The following SNRPN variants were observed in gnomAD, a reference collection of about 807,000 sequenced individuals.
SNRPN encodes the protein small nuclear ribonucleoprotein polypeptide N.
SNRPN carries 7 observed loss-of-function variants against 25.2 expected under a neutral mutation model. That is an observed-to-expected ratio of 0.28 (90% CI 0.16 to 0.52). SNRPN has a LOEUF of 0.52. Among genes scored for constraint, SNRPN ranks in the 20% least tolerant of loss-of-function variants. The pLI, the probability that SNRPN is intolerant of heterozygous loss-of-function variation, is 0.96. For missense variants in SNRPN, 196 were observed against 322.5 expected, an observed-to-expected ratio of 0.61 and a Z score of 3.00; for synonymous variants, 124 against 110.6, an observed-to-expected ratio of 1.12 and a Z score of -0.76.
chr15:24,975,060 T>G (rs969577525), intron 4 of SNRPN: 8 of 686,094 alleles, frequency 1.2e-5, no homozygotes, highest in Non-Finnish European at 2.1e-5. Context: ...CCTACATCAT[T>G]GTGGTTTGGT....
intron 1 of SNRPN, among the ~76,000 whole-genome samples, chr15:24,884,302 T>A (rs2149904451): frequency 6.6e-6 from 1 of 152,232 alleles, no homozygotes; most frequent in South Asian, 2.1e-4. Context: ...CCACGGCACT[T>A]CAGCCTGGGT....
At chr15:24,914,137 A>G (rs2059385782) in intron 2 of SNRPN, among the ~76,000 whole-genome samples, 1 of 152,096 alleles carries the variant, frequency 6.6e-6, no homozygotes, top group Admixed American at 6.6e-5. Flanking sequence ...GCAACTCTAT[A>G]TCTTGCTTTT....
At chr15:24,898,069 C>T (rs576301538) in intron 2 of SNRPN, among the ~76,000 whole-genome samples, 1 of 152,020 alleles carries the variant, frequency 6.6e-6, no homozygotes, top group Non-Finnish European at 1.5e-5. Flanking sequence ...TATCTAAATT[C>T]CCTCTTATCA....
upstream of SNRPN, among the ~76,000 whole-genome samples, chr15:24,854,569 G>C (rs575143041): frequency 5.9e-5 from 9 of 152,182 alleles, no homozygotes; most frequent in Non-Finnish European, 1.3e-4. Flanking sequence ...TGAAGAAGTA[G>C]CAAAGTGACT....
chr15:24,920,286 G>A (rs1260429063), intron 3 of SNRPN, among the ~76,000 whole-genome samples: 3 of 151,986 alleles, frequency 2.0e-5, no homozygotes, highest in Non-Finnish European at 4.4e-5. Context: ...TTTTAATTAC[G>A]ATTTAACTGC....
chr15:24,933,387 A>G (rs1220888395), intron 3 of SNRPN, among the ~76,000 whole-genome samples: 1 of 151,854 alleles, frequency 6.6e-6, no homozygotes, highest in East Asian at 1.9e-4. Context: ...ACAAGAGGAT[A>G]ATGAGCTTAG....
intron 3 of SNRPN, among the ~76,000 whole-genome samples, chr15:24,945,558 A>T (rs1323309914): frequency 6.6e-6 from 1 of 152,122 alleles, no homozygotes; most frequent in Non-Finnish European, 1.5e-5. Context: ...CTCTTTAAAA[A>T]AAAAATATAC....
chr15:24,886,603 C>T (rs1293808472), intron 2 of SNRPN: 3 of 152,198 alleles, frequency 2.0e-5, no homozygotes, highest in Non-Finnish European at 4.4e-5. Flanking sequence ...AGGATTGTCC[C>T]TGTTCCACTT....
intron 3 of SNRPN, among the ~76,000 whole-genome samples, chr15:24,949,699 G>A (rs1270717891): frequency 1.3e-5 from 2 of 152,076 alleles, no homozygotes; most frequent in African/African-American, 2.4e-5. Flanking sequence ...TTTCTGTCTA[G>A]CTGCTTTCAC....
At chr15:24,950,268 C>G (rs1322064171), upstream of SNRPN, among the ~76,000 whole-genome samples, 1 of 152,070 alleles carries the variant, frequency 6.6e-6, no homozygotes, top group Non-Finnish European at 1.5e-5. Flanking sequence ...CCTCCGCCTC[C>G]TGGGTTCAAG....
intron 2 of SNRPN, among the ~76,000 whole-genome samples, chr15:24,915,389 G>A (rs1238487019): frequency 2.6e-5 from 4 of 152,120 alleles, no homozygotes. Context: ...GCCACCCAAG[G>A]TGCTGGGATT....
chr15:24,967,938 G>A lies in SNRPN; in HGVS notation c.-288G>A. The A allele has an allele frequency of 6.2e-7, 1 of 1,613,816 alleles. No individual in the cohort carries two copies. The highest frequency in any genetic ancestry group is 1.1e-5 in the South Asian group (1 of 91,076). ...TATTGTGCTCTTGTTGTAGGTGTCA[G>A]TTGTACCCGAGGCGTTCTCAGCAGC... is the stretch of plus-strand genomic sequence containing the variant. On this transcript the variant is annotated 5_prime_UTR_variant, in exon 3 of 10. Coordinates refer to ENST00000390687, the MANE Select transcript of SNRPN (RefSeq NM_003097.6).
chr15:24,933,636 T>G (rs952146032), intron 3 of SNRPN, among the ~76,000 whole-genome samples: 2 of 152,106 alleles, frequency 1.3e-5, no homozygotes, highest in African/African-American at 2.4e-5. Flanking sequence ...GAGAATTTGA[T>G]GGCCATTCAC....
intron 2 of SNRPN, among the ~76,000 whole-genome samples, chr15:24,892,860 A>G (rs1343891611): frequency 6.6e-6 from 1 of 152,116 alleles, no homozygotes. Flanking sequence ...GTCAATGGAT[A>G]AGTTTACATG....
At chr15:24,900,095 G>A (rs575652514) in intron 2 of SNRPN, among the ~76,000 whole-genome samples, 112 of 152,324 alleles carry the variant, frequency 7.4e-4, no homozygotes, top group African/African-American at 2.7e-3. Context: ...TGAAACACGT[G>A]CCTTGGGAGC....
rs894965761 is a variant in SNRPN, at chr15:24,929,237, G to T, written c.-391+9113G>T. Among the ~76,000 whole-genome samples, 1 of 151,884 alleles carries T rather than the reference G, an allele frequency of 6.6e-6. No individual in the cohort carries two copies. The highest frequency in any genetic ancestry group is 6.6e-5 in the Admixed American group (1 of 15,238). On this transcript the variant is annotated intron_variant, in intron 3 of 11. Coordinates refer to the SNRPN transcript ENST00000400097. The surrounding 1 kb of genome is among the most constrained non-coding windows in gnomAD (Gnocchi z 5.3). ...GATATTTTCCATCCCAATCTACACC[G>T]CAGGGTTTTTCCTTGCCTTCCTATT...
intron 2 of SNRPN, among the ~76,000 whole-genome samples, chr15:24,836,666 G>C (rs2051227648): frequency 6.6e-6 from 1 of 152,058 alleles, no homozygotes; most frequent in South Asian, 2.1e-4. Context: ...GCCCTGCTCG[G>C]CCTCCCAGAG....
intron 1 of SNRPN, among the ~76,000 whole-genome samples, chr15:24,870,368 A>G (rs569264780): frequency 3.0e-4 from 46 of 152,324 alleles, no homozygotes; most frequent in African/African-American, 1.1e-3. Flanking sequence ...ACATATACAC[A>G]TATGTGTAAA....
At chr15:24,889,593 CCGTG>C (rs2057485693) in intron 2 of SNRPN, among the ~76,000 whole-genome samples, 2 of 152,068 alleles carry the variant, frequency 1.3e-5, no homozygotes, top group Admixed American at 6.5e-5. Flanking sequence ...GCATGAGCCA[CCGTG>C]CCCGGCCCTA....
Sources: gnomAD v4.1 joint callset for allele counts (sites outside exome capture counted in the v4.1 genomes callset) on GRCh38, gnomAD v4.1.1 for gene constraint, Gnocchi (gnomAD v3.1) non-coding constraint, MANE v1.5 for transcripts, NCBI Gene and HGNC (gene_info 2026-07-23, HGNC 2026-07-21) for gene names.